Variants in IL1R2 observed in about 807,000 individuals in gnomAD.
IL1R2 encodes interleukin 1 receptor type 2, also known as interleukin-1 receptor type 2.
Under a neutral mutation model 39.5 loss-of-function variants are expected in IL1R2, and 46 were observed. That is an observed-to-expected ratio of 1.16 (90% CI 0.92 to 1.49). The LOEUF is 1.49. Among genes scored for constraint, IL1R2 ranks in the 40% most tolerant of loss-of-function variants. The pLI is 0.00. For synonymous variants in IL1R2, 207 were observed against 189.6 expected (o/e 1.09, Z -0.75); for missense variants, 537 against 502.0 (o/e 1.07, Z -0.67).
chr2:101,996,404 A>G (rs55991599), intron 1 of IL1R2, among the ~76,000 whole-genome samples: 33,843 of 151,166 alleles, frequency 0.22, 4,692 homozygotes, highest in Non-Finnish European at 0.28. Flanking sequence ...GCTATCTTCA[A>G]GTTGAAGATC....
chr2:102,007,509 G>C (rs1261528509), intron 1 of IL1R2, among the ~76,000 whole-genome samples: 5 of 152,216 alleles, frequency 3.3e-5, no homozygotes, highest in Non-Finnish European at 7.3e-5. Flanking sequence ...GGACAGAACT[G>C]TGAATAAGAT....
At chr2:102,005,506 G>A (rs762151711) in intron 1 of IL1R2, among the ~76,000 whole-genome samples, 5 of 152,170 alleles carry the variant, frequency 3.3e-5, no homozygotes, top group Non-Finnish European at 5.9e-5. Flanking sequence ...GGTGGTGGGC[G>A]GCTTCACGAA....
At chr2:101,998,287 C>T (rs147449904) in intron 1 of IL1R2, among the ~76,000 whole-genome samples, 13 of 152,280 alleles carry the variant, frequency 8.5e-5, no homozygotes, top group South Asian at 2.1e-4. Context: ...CTTAAAATCC[C>T]GAAATGGCTG....
At chr2:102,017,758 T>C (rs1677100786) in intron 4 of IL1R2, among the ~76,000 whole-genome samples, 1 of 146,158 alleles carries the variant, frequency 6.8e-6, no homozygotes, top group East Asian at 2.1e-4. Context: ...CATCCTCTTG[T>C]TGTAGTACTG....
At position 102,025,209 on chromosome 2, in the gene IL1R2, G is replaced by A. The variant is rs535300354; in HGVS notation, c.887+541G>A. On this transcript the variant is annotated intron_variant, in intron 7 of 8. Coordinates refer to ENST00000332549, the MANE Select transcript of IL1R2 (RefSeq NM_004633.4). ...ACTCGAACAATCAGACCTTTTGTAA[G>A]TGGGAACTTGTTGCCTGTGAGGGAG... Among the ~76,000 whole-genome samples, 86 of 152,344 alleles carry A rather than the reference G, an allele frequency of 5.6e-4. No individual in the cohort carries two copies. The South Asian group carries it at 0.017, about 30-fold the overall frequency.
At chr2:102,011,931 G>T (rs1418036543) in intron 3 of IL1R2, among the ~76,000 whole-genome samples, 1 of 152,142 alleles carries the variant, frequency 6.6e-6, no homozygotes, top group African/African-American at 2.4e-5. Context: ...TATGGTGTTA[G>T]GTAAGGGTCC....
Position 102,026,150 on chromosome 2 carries a change from A to G in IL1R2, c.927A>G (p.Pro309=). Reference sequence around the variant, plus strand: ...ATAATGAGAACTACATTGAAGTGCCATTGATTTTTGATCCTGTCACAAGAG... The same window carrying G: ...ATAATGAGAACTACATTGAAGTGCCGTTGATTTTTGATCCTGTCACAAGAG... ...SENNENYIEV[P]LIFDPVTRED... Residue 309 remains proline, a synonymous_variant, in exon 8 of 9, where the codon CCA becomes CCG. Transcript: ENST00000332549. 1 of 1,610,592 alleles carries G rather than the reference A, an allele frequency of 6.2e-7. No individual in the cohort carries two copies. The highest frequency in any genetic ancestry group is 1.3e-5 in the African/African-American group (1 of 74,982).
At chr2:102,013,698 A>C (rs1362522576) in intron 3 of IL1R2, among the ~76,000 whole-genome samples, 1 of 152,080 alleles carries the variant, frequency 6.6e-6, no homozygotes, top group Non-Finnish European at 1.5e-5. Flanking sequence ...TACACATGCA[A>C]CAGGTCCATT....
At chr2:101,993,783 C>T (rs1025503876) in intron 1 of IL1R2, among the ~76,000 whole-genome samples, 1 of 152,148 alleles carries the variant, frequency 6.6e-6, no homozygotes, top group Non-Finnish European at 1.5e-5. Flanking sequence ...ACTCCTCTAC[C>T]CCCACCCACA....
intron 8 of IL1R2, 67 bp downstream of exon 8, chr2:102,026,320 C>G: frequency 8.4e-7 from 1 of 1,184,522 alleles, no homozygotes; most frequent in South Asian, 1.8e-5. Flanking sequence ...GGATACTAGA[C>G]AAATCTACTT....
chr2:102,010,094 C>T, intron 3 of IL1R2: 1 of 472,756 alleles, frequency 2.1e-6, no homozygotes, highest in South Asian at 2.8e-5. Flanking sequence ...CTCTCCTTAC[C>T]CTGCTGTAGT....
Position 102,008,451 on chromosome 2 carries a change from G to T in IL1R2, c.-61-64G>T, listed in dbSNP as rs144209920. 1.8e-4 allele frequency: 140 copies of T among 763,716 alleles called. 1 individual carries two copies. In the African/African-American group the frequency reaches 2.1e-3, roughly 11 times the overall value. 47.3% of individuals were successfully genotyped at this position (763,716 alleles called of 1,614,324 possible). On this transcript the variant is annotated intron_variant, in intron 1 of 8. Transcript: ENST00000332549. ...AGCTTCCAGACCCTGCCCCTACCCC[G>T]TCTTCAAGGGATTCTCTCTGCAGGG...
intron 1 of IL1R2, among the ~76,000 whole-genome samples, chr2:101,992,226 G>A (rs1178513604): frequency 6.6e-6 from 1 of 151,576 alleles, no homozygotes; most frequent in East Asian, 1.9e-4. Context: ...CAGAGAAACA[G>A]AGACAGAAAG....
chr2:102,013,558 GAAAGA>G (rs1229298882), intron 3 of IL1R2, among the ~76,000 whole-genome samples: 5 of 33,756 alleles, frequency 1.5e-4, no homozygotes, highest in East Asian at 8.9e-4. Flanking sequence ...AAAAAGGAAA[GAAAGA>G]AAAGAAAAGA....
chr2:102,012,559 A>G (rs949838743), intron 3 of IL1R2, among the ~76,000 whole-genome samples: 3 of 143,514 alleles, frequency 2.1e-5, no homozygotes, highest in Non-Finnish European at 3.0e-5. Context: ...GTGTGTGTGC[A>G]TGTGCGTGCA....
intron 6 of IL1R2, among the ~76,000 whole-genome samples, chr2:102,022,915 C>T (rs928236454): frequency 6.6e-6 from 1 of 152,158 alleles, no homozygotes; most frequent in African/African-American, 2.4e-5. Flanking sequence ...AATGGGATCC[C>T]ATTCAATCTC....
intron 5 of IL1R2, among the ~76,000 whole-genome samples, chr2:102,021,055 C>T (rs1029765221): frequency 6.6e-6 from 1 of 152,174 alleles, no homozygotes; most frequent in Non-Finnish European, 1.5e-5. Context: ...TCCCTGGATG[C>T]CCCAGCTCCA....
chr2:102,009,525 G>A (rs1191969077), intron 2 of IL1R2, 37 bp from the exon 3 acceptor site: 1 of 1,599,470 alleles, frequency 6.3e-7, no homozygotes, highest in Non-Finnish European at 8.5e-7. Flanking sequence ...AGCAAGTTTT[G>A]GACCCAAAGC....
chr2:102,023,184 T>C (rs1306445175), intron 6 of IL1R2, among the ~76,000 whole-genome samples: 2 of 152,256 alleles, frequency 1.3e-5, no homozygotes, highest in Non-Finnish European at 2.9e-5. Flanking sequence ...TCCTTTTGTT[T>C]AGTGCTGGTT....
Sources: gnomAD v4.1 joint callset for allele counts (sites outside exome capture counted in the v4.1 genomes callset) on GRCh38, gnomAD v4.1.1 for gene constraint, MANE v1.5 for transcripts, NCBI Gene and HGNC (gene_info 2026-07-23, HGNC 2026-07-21) for gene names.